The following WNT7A variants were observed in gnomAD, a reference collection of about 807,000 sequenced individuals.
WNT7A encodes the protein Wnt family member 7A, also known as protein Wnt-7a.
In WNT7A, 16 loss-of-function variants were observed where a neutral mutation model predicts 28.2. The ratio of observed to expected loss-of-function variants is 0.57; its 90% CI spans 0.38 to 0.86. The LOEUF (loss-of-function observed/expected upper bound fraction) is 0.86. Ranked by LOEUF, WNT7A falls within the 40% of genes least tolerant of loss-of-function variation. The probability of loss-of-function intolerance (pLI) is 0.00; values close to 1 mark genes in which losing one functional copy is unlikely to be tolerated. For synonymous variants in WNT7A, 190 were observed against 195.9 expected (o/e 0.97, Z 0.25); for missense variants, 411 against 489.7 (o/e 0.84, Z 1.52).
At chr3:13,854,310 C>T (rs975034034) in intron 3 of WNT7A, among the ~76,000 whole-genome samples, 1 of 152,086 alleles carries the variant, frequency 6.6e-6, no homozygotes, top group African/African-American at 2.4e-5. Context: ...ACATTCAATT[C>T]GTCTTAAGGC....
chr3:13,868,886 AGGAG>A (rs375612638), intron 2 of WNT7A, among the ~76,000 whole-genome samples: 19 of 135,810 alleles, frequency 1.4e-4, no homozygotes, highest in African/African-American at 4.9e-4. Flanking sequence ...GAGAGAAGGA[AGGAG>A]GGAGGGAGGA....
intron 3 of WNT7A, among the ~76,000 whole-genome samples, chr3:13,821,730 T>A (rs1470777371): frequency 6.6e-6 from 1 of 152,180 alleles, no homozygotes; most frequent in African/African-American, 2.4e-5. Context: ...TGGATAGTAT[T>A]GTTTAGGAGC....
At chr3:13,842,545 C>T (rs1694478267) in intron 3 of WNT7A, among the ~76,000 whole-genome samples, 1 of 152,112 alleles carries the variant, frequency 6.6e-6, no homozygotes, top group African/African-American at 2.4e-5. Context: ...GGATCATGAG[C>T]TCGGGGGTAT....
chr3:13,827,669 A>T (rs1053013508), intron 3 of WNT7A, among the ~76,000 whole-genome samples: 3 of 152,098 alleles, frequency 2.0e-5, no homozygotes, highest in Non-Finnish European at 4.4e-5. Flanking sequence ...GGGACATCAG[A>T]CAGCAACCTC....
intron 3 of WNT7A, among the ~76,000 whole-genome samples, chr3:13,846,107 C>T (rs1694533344): frequency 6.6e-6 from 1 of 152,242 alleles, no homozygotes; most frequent in South Asian, 2.1e-4. Context: ...TGTCCTCTCC[C>T]AGGCAGAAGG....
intron 3 of WNT7A, among the ~76,000 whole-genome samples, chr3:13,829,369 G>A (rs1420137865): frequency 6.6e-6 from 1 of 152,238 alleles, no homozygotes. Flanking sequence ...GTTCCTCGTT[G>A]TAAAGTAGGG....
Position 13,819,778 on chromosome 3 carries a change from T to C in WNT7A, c.571-355A>G, listed in dbSNP as rs116422116. ...AAGAGGTAATGTTGAGGGAAAGAAG[T>C]TGGACACCAAAGAGGACATACTTTA... On this transcript the variant is annotated intron_variant, in intron 3 of 3. Coordinates refer to ENST00000285018, the MANE Select transcript of WNT7A (RefSeq NM_004625.4). Among the ~76,000 whole-genome samples, 570 of 152,220 alleles carry C rather than the reference T, an allele frequency of 3.7e-3. 5 individuals carry two copies. Among genetic ancestry groups the C allele is most frequent in the African/African-American group, 0.013 (551 of 41,544 alleles).
At chr3:13,876,265 G>T (rs966014718) in intron 1 of WNT7A, among the ~76,000 whole-genome samples, 2 of 152,244 alleles carry the variant, frequency 1.3e-5, no homozygotes, top group African/African-American at 4.8e-5. Flanking sequence ...GGAATAGAAA[G>T]AACCCATGGA....
At chr3:13,875,316 A>C in intron 1 of WNT7A, 143 bp from the exon 2 acceptor site, 2 of 744,120 alleles carry the variant, frequency 2.7e-6, no homozygotes, top group Non-Finnish European at 4.6e-6. Context: ...CCCCTAACTC[A>C]TGTCCATTCG....
At chr3:13,878,456 A>G (rs1481419328) in intron 1 of WNT7A, among the ~76,000 whole-genome samples, 1 of 152,154 alleles carries the variant, frequency 6.6e-6, no homozygotes, top group Non-Finnish European at 1.5e-5. Flanking sequence ...GGGCGAATCA[A>G]TAACACTTAA....
At position 13,857,767 on chromosome 3, in the gene WNT7A, G is replaced by A. The variant is rs186003472; in HGVS notation, c.299-2964C>T. 2.6e-3 allele frequency among the ~76,000 whole-genome samples: 401 copies of A among 152,250 alleles called. 1 individual carries two copies. The highest frequency in any genetic ancestry group is 9.1e-3 in the African/African-American group (379 of 41,532). ...ATATCCAGAATAGACCCTCAAGGAC[G>A]TGAGAGAAAAGGACAATCAGATGGA... On this transcript the variant is annotated intron_variant, in intron 2 of 3. Transcript: ENST00000285018.
At chr3:13,870,154 C>A (rs1309486004) in intron 2 of WNT7A, among the ~76,000 whole-genome samples, 2 of 152,208 alleles carry the variant, frequency 1.3e-5, no homozygotes, top group Non-Finnish European at 2.9e-5. Flanking sequence ...TCTGGCCACT[C>A]ATTGCTGTGA....
At chr3:13,854,423 G>A in intron 3 of WNT7A, 109 bp downstream of exon 3, 1 of 1,571,142 alleles carries the variant, frequency 6.4e-7, no homozygotes. Context: ...ATGAGGCTGA[G>A]GGCAGAGCCC....
chr3:13,852,470 A>G (rs1215279543), intron 3 of WNT7A, among the ~76,000 whole-genome samples: 2 of 152,152 alleles, frequency 1.3e-5, no homozygotes, highest in Non-Finnish European at 2.9e-5. Context: ...CTTTGAGTAA[A>G]TGGCGTGTTG....
intron 3 of WNT7A, among the ~76,000 whole-genome samples, chr3:13,849,916 G>T (rs923498972): frequency 6.6e-5 from 10 of 152,200 alleles, no homozygotes; most frequent in African/African-American, 2.2e-4. Context: ...GAGAGAAGCT[G>T]CAGACAGGGT....
At chr3:13,819,802 T>G (rs1694081772) in intron 3 of WNT7A, among the ~76,000 whole-genome samples, 2 of 152,214 alleles carry the variant, frequency 1.3e-5, no homozygotes, top group South Asian at 4.1e-4. Context: ...GGACATACTT[T>G]ATGATTCCAT....
chr3:13,832,337 C>T (rs2124836957), intron 3 of WNT7A, among the ~76,000 whole-genome samples: 1 of 151,516 alleles, frequency 6.6e-6, no homozygotes. Context: ...GCTTCTCCTA[C>T]TCTTCCTCCT....
intron 2 of WNT7A, among the ~76,000 whole-genome samples, chr3:13,858,913 A>T (rs187799996): frequency 6.6e-6 from 1 of 152,340 alleles, no homozygotes; most frequent in East Asian, 1.9e-4. Context: ...TACCCTGGGC[A>T]TCCAGCTGGC....
At chr3:13,868,352 G>A (rs1411951633) in intron 2 of WNT7A, among the ~76,000 whole-genome samples, 3 of 151,860 alleles carry the variant, frequency 2.0e-5, no homozygotes, top group Non-Finnish European at 4.4e-5. Context: ...AATTAGCCAG[G>A]TGAGGTGGTG....
Sources: allele counts gnomAD v4.1 joint callset (sites outside exome capture counted in the v4.1 genomes callset), GRCh38; gene constraint gnomAD v4.1.1; transcripts MANE v1.5; gene names NCBI Gene and HGNC (gene_info 2026-07-23, HGNC 2026-07-21).